Variants in CUX1 observed in about 807,000 individuals in gnomAD.
The protein encoded by CUX1 is cut like homeobox 1, also known as protein CASP.
In CUX1, 31 loss-of-function variants were observed where a neutral mutation model predicts 158.8. The ratio of observed to expected loss-of-function variants is 0.20; its 90% CI spans 0.15 to 0.26. The LOEUF (loss-of-function observed/expected upper bound fraction) is 0.26, where lower values mean the gene tolerates loss of function less well. Among genes scored for constraint, CUX1 ranks in the 10% least tolerant of loss-of-function variants. The probability of loss-of-function intolerance (pLI) is 1.00; values close to 1 mark genes in which losing one functional copy is unlikely to be tolerated. For missense variants in CUX1, 1,589 were observed against 2,014.6 expected, an observed-to-expected ratio of 0.79 and a Z score of 4.04; for synonymous variants, 879 against 862.1, an observed-to-expected ratio of 1.02 and a Z score of -0.34.
intron 14 of CUX1, among the ~76,000 whole-genome samples, chr7:102,269,407 A>G (rs1469307668): frequency 6.7e-6 from 1 of 149,130 alleles, no homozygotes; most frequent in Non-Finnish European, 1.5e-5. Flanking sequence ...ACAGTACCCC[A>G]AAGTCTTTTT....
At chr7:102,119,383 GACAGC>G (rs1371180148) in intron 8 of CUX1, among the ~76,000 whole-genome samples, 3 of 152,212 alleles carry the variant, frequency 2.0e-5, no homozygotes, top group African/African-American at 7.2e-5. Context: ...CGTCAGCTGG[GACAGC>G]ACGGGCTGAC....
intron 2 of CUX1, among the ~76,000 whole-genome samples, chr7:101,987,568 G>C (rs1814489726): frequency 6.6e-6 from 1 of 152,232 alleles, no homozygotes; most frequent in Admixed American, 6.5e-5. Context: ...CCGTGGGACA[G>C]GGGATACCCC....
intron 1 of CUX1, among the ~76,000 whole-genome samples, chr7:101,849,045 G>A (rs1795993573): frequency 6.6e-6 from 1 of 152,056 alleles, no homozygotes; most frequent in Non-Finnish European, 1.5e-5. Context: ...CTCCAAGTAG[G>A]TGTTTCTTCC....
intron 1 of CUX1, among the ~76,000 whole-genome samples, chr7:101,845,716 C>T (rs980239920): frequency 3.9e-5 from 6 of 152,164 alleles, no homozygotes; most frequent in African/African-American, 1.2e-4. Flanking sequence ...CCTGGGAGCT[C>T]GTTAGAAATG....
At chr7:102,167,820 C>T (rs1791219114) in intron 9 of CUX1, among the ~76,000 whole-genome samples, 1 of 152,176 alleles carries the variant, frequency 6.6e-6, no homozygotes, top group African/African-American at 2.4e-5. Context: ...TGGCTCACAC[C>T]TGTAATCCCA....
At chr7:101,852,234 A>G (rs1055966210) in intron 1 of CUX1, among the ~76,000 whole-genome samples, 2 of 152,046 alleles carry the variant, frequency 1.3e-5, no homozygotes, top group Admixed American at 1.3e-4. Flanking sequence ...TTAGATTTCC[A>G]AGTTTTCTTA....
chr7:102,252,703 C>T lies in CUX1; in HGVS notation c.*3661C>T. 1.0e-6 allele frequency: 1 copy of T among 985,422 alleles called. No individual in the cohort carries two copies. Among genetic ancestry groups the T allele is most frequent in the Non-Finnish European group, 1.2e-6 (1 of 829,942 alleles). 61.0% of individuals were successfully genotyped at this position (985,422 alleles called of 1,614,324 possible). ...TCCTAGACCTGTGCCCAACTCACTT[C>T]CACCCCAGAGGAGTCTTCTGTCCTC... On this transcript the variant is annotated 3_prime_UTR_variant, in exon 24 of 24. Transcript: ENST00000292535.
chr7:101,848,745 T>TTTA (rs1795962572), intron 1 of CUX1, among the ~76,000 whole-genome samples: 1 of 151,724 alleles, frequency 6.6e-6, no homozygotes, highest in Non-Finnish European at 1.5e-5. Flanking sequence ...GGTGCGGTGG[T>TTTA]TTATGCCTGT....
At chr7:101,942,701 A>C (rs1416932124) in intron 2 of CUX1, among the ~76,000 whole-genome samples, 1 of 152,204 alleles carries the variant, frequency 6.6e-6, no homozygotes, top group Admixed American at 6.5e-5. Flanking sequence ...TCCTGGGCTC[A>C]AGTGATCCCC....
At chr7:101,872,474 A>AT (rs1798669255) in intron 1 of CUX1, among the ~76,000 whole-genome samples, 1 of 151,606 alleles carries the variant, frequency 6.6e-6, no homozygotes, top group South Asian at 2.1e-4. Flanking sequence ...CTGTAAAGTG[A>AT]TTATTTTGGA....
At chr7:102,099,104 C>T (rs183826229) in intron 5 of CUX1, among the ~76,000 whole-genome samples, 27 of 152,172 alleles carry the variant, frequency 1.8e-4, no homozygotes, top group Admixed American at 1.4e-3. Context: ...GCTGTGAGGG[C>T]GGCGGTGCCT....
intron 8 of CUX1, among the ~76,000 whole-genome samples, chr7:102,139,646 C>T (rs572815882): frequency 6.6e-6 from 1 of 152,220 alleles, no homozygotes; most frequent in Non-Finnish European, 1.5e-5. Flanking sequence ...ATTAAAACCA[C>T]TTTCCAAAAT....
intron 23 of CUX1, among the ~76,000 whole-genome samples, chr7:102,247,438 G>C (rs1800931159): frequency 6.6e-6 from 1 of 152,242 alleles, no homozygotes; most frequent in Non-Finnish European, 1.5e-5. Context: ...AGGCGCCAGT[G>C]CAAGGCCTGG....
intron 18 of CUX1, among the ~76,000 whole-genome samples, 180 bp from the exon 19 acceptor site, chr7:102,204,211 C>T (rs782705712): frequency 1.2e-4 from 18 of 152,332 alleles, no homozygotes; most frequent in South Asian, 6.2e-4. Flanking sequence ...TCTCAGCCAC[C>T]GTTGATCTTT....
At chr7:101,943,671 G>A (rs1047607838) in intron 2 of CUX1, among the ~76,000 whole-genome samples, 1 of 150,860 alleles carries the variant, frequency 6.6e-6, no homozygotes, top group African/African-American at 2.4e-5. Flanking sequence ...AATAGGATGA[G>A]TTTTGGGCTT....
At position 101,817,711 on chromosome 7, in the gene CUX1, G is replaced by T; in HGVS notation, c.30+42G>T. The T allele has an allele frequency of 6.5e-7, 1 of 1,546,788 alleles. No homozygotes were observed. ...CCAGAAGTCCCGAGGTTGCAGGCGCGGAGGGAACCGGGGATGTCGGGGGGT... is the reference window on the plus strand; with the variant it reads ...CCAGAAGTCCCGAGGTTGCAGGCGCTGAGGGAACCGGGGATGTCGGGGGGT... On this transcript the variant is annotated intron_variant, in intron 1 of 23. Transcript: ENST00000292535. The surrounding 1 kb of genome is among the most constrained non-coding windows in gnomAD (Gnocchi z 4.1).
intron 20 of CUX1, among the ~76,000 whole-genome samples, chr7:102,222,306 C>T (rs566935657): frequency 5.9e-5 from 9 of 152,172 alleles, no homozygotes; most frequent in South Asian, 2.1e-4. Flanking sequence ...AGTGAAATGA[C>T]GCAGGAATGA....
In CUX1 at chr7:102,135,213, C is replaced by T. The variant is rs370801362; in HGVS notation, c.674+19940C>T. On this transcript the variant is annotated intron_variant, in intron 8 of 23. Coordinates refer to ENST00000292535, the MANE Select transcript of CUX1 (RefSeq NM_181552.4). ...TAGTGACCGGAAGCCTTACCAGTTA[C>T]ATGAAGTGCCGATTAAGATGTTTTG... Among the ~76,000 whole-genome samples the T allele has an allele frequency of 2.5e-3, 377 of 152,188 alleles. 2 individuals are homozygous for T. The highest frequency in any genetic ancestry group is 4.2e-3 in the Non-Finnish European group (285 of 68,012).
At chr7:102,081,945 G>A (rs1554478933) in intron 4 of CUX1, among the ~76,000 whole-genome samples, 1 of 146,630 alleles carries the variant, frequency 6.8e-6, no homozygotes, top group African/African-American at 2.4e-5. Flanking sequence ...CTTTATAGCA[G>A]TGTGAAAATG....
Sources: allele counts gnomAD v4.1 joint callset (sites outside exome capture counted in the v4.1 genomes callset), GRCh38; gene constraint gnomAD v4.1.1; non-coding constraint Gnocchi (gnomAD v3.1); transcripts MANE v1.5; gene names NCBI Gene and HGNC (gene_info 2026-07-23, HGNC 2026-07-21).